Variants in ATG16L1 observed in about 807,000 individuals in gnomAD.
ATG16L1 encodes the protein autophagy related 16 like 1, also known as autophagy-related protein 16-1.
ATG16L1 carries 37 observed loss-of-function variants against 88.5 expected under a neutral mutation model. That is an observed-to-expected ratio of 0.42 (90% CI 0.32 to 0.55). The LOEUF is 0.55. Among genes scored for constraint, ATG16L1 ranks in the 20% least tolerant of loss-of-function variants. ATG16L1 has a pLI of 0.13. For synonymous variants in ATG16L1, 301 were observed against 281.0 expected (o/e 1.07, Z -0.71); for missense variants, 554 against 752.8 (o/e 0.74, Z 3.09).
intron 2 of ATG16L1, among the ~76,000 whole-genome samples, chr2:233,262,681 G>A (rs1040707247): frequency 6.6e-6 from 1 of 152,104 alleles, no homozygotes; most frequent in Non-Finnish European, 1.5e-5. Context: ...CGTTAAAATA[G>A]GACCCCCTCC....
At chr2:233,276,420 T>C (rs572774919) in intron 9 of ATG16L1, among the ~76,000 whole-genome samples, 1 of 152,318 alleles carries the variant, frequency 6.6e-6, no homozygotes, top group Non-Finnish European at 1.5e-5. Context: ...TCCAAAAATA[T>C]TTTACTGCCC....
At chr2:233,277,814 T>TA (rs1254989331) in intron 10 of ATG16L1, 141 bp downstream of exon 10, 2 of 691,950 alleles carry the variant, frequency 2.9e-6, no homozygotes, top group African/African-American at 3.6e-5. Context: ...ACATACATTT[T>TA]ATGTAAGGGA....
intron 6 of ATG16L1, among the ~76,000 whole-genome samples, chr2:233,270,816 A>G (rs1468441584): frequency 1.3e-5 from 2 of 152,202 alleles, no homozygotes; most frequent in Non-Finnish European, 2.9e-5. Flanking sequence ...AGTGGTAGAA[A>G]AGAGTTTCCT....
At chr2:233,265,197 G>T in intron 5 of ATG16L1, 54 bp downstream of exon 5, 1 of 1,579,734 alleles carries the variant, frequency 6.3e-7, no homozygotes, top group Non-Finnish European at 8.6e-7. Context: ...GTAGAACCTA[G>T]GTCTTTGAAA....
chr2:233,256,120 A>G lies in ATG16L1; in HGVS notation c.134A>G (p.Lys45Arg). 6 of 1,614,022 alleles carry G rather than the reference A, an allele frequency of 3.7e-6. No homozygotes were observed. Among genetic ancestry groups the G allele is most frequent in the Admixed American group, 1.7e-5 (1 of 60,026 alleles). The change falls in exon 2 of 18, where the codon AAG becomes AGG. Residue 45 changes from lysine (K) to arginine (R), a missense_variant. Coordinates refer to ENST00000392017, the MANE Select transcript of ATG16L1 (RefSeq NM_030803.7). ...TTAATAGATAACAAATTGCTGGAAA[A>G]GTCAGATCTTCATTCAGTGTTGGCC... Reference protein sequence around the residue: ...IILQYNKLLEKSDLHSVLAQK... With the variant: ...IILQYNKLLERSDLHSVLAQK...
intron 5 of ATG16L1, among the ~76,000 whole-genome samples, chr2:233,269,316 A>G (rs1219062948): frequency 2.0e-5 from 3 of 152,218 alleles, no homozygotes; most frequent in Admixed American, 6.5e-5. Context: ...AATGTCAGGT[A>G]AGGGGAAGTC....
At position 233,277,556 on chromosome 2, in the gene ATG16L1, C is replaced by T; in HGVS notation, c.955-12C>T. 6.2e-7 allele frequency: 1 copy of T among 1,612,850 alleles called. No individual in the cohort carries two copies. Among genetic ancestry groups the T allele is most frequent in the African/African-American group, 1.3e-5 (1 of 75,010 alleles). On this transcript the variant is annotated splice_polypyrimidine_tract_variant and intron_variant, in intron 9 of 17. Transcript: ENST00000392017. Reference sequence around the variant, plus strand: ...GAATGACTGGGTTTGACACAGGGTGCTTGTCTTGCAGGATGCACATGATGG... The same window carrying T: ...GAATGACTGGGTTTGACACAGGGTGTTTGTCTTGCAGGATGCACATGATGG...
At chr2:233,252,722 C>T (rs905638437) in intron 1 of ATG16L1, among the ~76,000 whole-genome samples, 9 of 151,840 alleles carry the variant, frequency 5.9e-5, no homozygotes, top group Non-Finnish European at 1.2e-4. Context: ...ATCTTTTAGG[C>T]GGGACAGAAC....
chr2:233,289,408 T>TGTGTGTGTGTGTGTGTGTGAGAGAGAGA (rs144316394), intron 12 of ATG16L1, among the ~76,000 whole-genome samples: 109 of 149,648 alleles, frequency 7.3e-4, no homozygotes, highest in Non-Finnish European at 1.0e-3. Context: ...TGTGTGTGTG[T>TGTGTGTGTGTGTGTGTGTGAGAGAGAGA]GACAGGATCT....
At position 233,265,675 on chromosome 2, in the gene ATG16L1, G is replaced by A. The variant is rs147550624; in HGVS notation, c.641+532G>A. On this transcript the variant is annotated intron_variant, in intron 5 of 17. Transcript: ENST00000392017. ...AGTAGAGGTGGAGTTTCACCATGTTGGCCAGGCTGATCTCAAACTCCTGAC... is the reference window on the plus strand; with the variant it reads ...AGTAGAGGTGGAGTTTCACCATGTTAGCCAGGCTGATCTCAAACTCCTGAC... Among the ~76,000 whole-genome samples, 12 of 152,136 alleles carry A rather than the reference G, an allele frequency of 7.9e-5. No individual in the cohort carries two copies. The East Asian group carries it at 2.3e-3, about 29-fold the overall frequency.
chr2:233,290,392 T>C, intron 14 of ATG16L1, 39 bp downstream of exon 14: 4 of 1,465,048 alleles, frequency 2.7e-6, no homozygotes, highest in African/African-American at 1.4e-5. Context: ...CACATAAGAG[T>C]CTCCACAGTA....
At chr2:233,268,957 C>T (rs1327895732) in intron 5 of ATG16L1, among the ~76,000 whole-genome samples, 2 of 152,134 alleles carry the variant, frequency 1.3e-5, no homozygotes, top group African/African-American at 4.8e-5. Context: ...ATTAGGGGTC[C>T]TCCACCTAGC....
intron 5 of ATG16L1, among the ~76,000 whole-genome samples, chr2:233,268,925 A>G (rs919689388): frequency 6.6e-6 from 1 of 152,228 alleles, no homozygotes; most frequent in Non-Finnish European, 1.5e-5. Context: ...ATTGCAGCTC[A>G]GTAGCATTGC....
intron 1 of ATG16L1, 99 bp downstream of exon 1, chr2:233,252,041 C>G (rs1303818890): frequency 3.7e-6 from 4 of 1,068,204 alleles, no homozygotes; most frequent in Admixed American, 4.0e-5. Context: ...TGGCGCCGCC[C>G]GCACGCATGG....
chr2:233,269,566 A>G (rs1203983330), intron 5 of ATG16L1, among the ~76,000 whole-genome samples: 1 of 152,234 alleles, frequency 6.6e-6, no homozygotes, highest in Admixed American at 6.5e-5. Flanking sequence ...GCAAAACTTC[A>G]AAATCTGAGA....
chr2:233,277,815 A>G (rs1698475817), intron 10 of ATG16L1, 142 bp downstream of exon 10: 1 of 686,412 alleles, frequency 1.5e-6, no homozygotes. Context: ...CATACATTTT[A>G]TGTAAGGGAT....
intron 4 of ATG16L1, 103 bp downstream of exon 4, chr2:233,264,168 T>A: frequency 8.9e-7 from 1 of 1,125,756 alleles, no homozygotes; most frequent in South Asian, 1.3e-5. Flanking sequence ...GTGGCCACAG[T>A]GCACTTAGCG....
At chr2:233,293,544 T>C (rs11890330) in intron 17 of ATG16L1, among the ~76,000 whole-genome samples, 187 bp downstream of exon 17, 8,783 of 152,170 alleles carry the variant, frequency 0.058, 308 homozygotes, top group South Asian at 0.14. Flanking sequence ...GGCCACAGTC[T>C]ACAGAGTACG....
intron 14 of ATG16L1, among the ~76,000 whole-genome samples, 198 bp downstream of exon 14, chr2:233,290,551 G>A (rs911302114): frequency 6.6e-6 from 1 of 152,170 alleles, no homozygotes; most frequent in Admixed American, 6.5e-5. Flanking sequence ...TGAGCATGCA[G>A]TGAGTGCTAG....
Sources: gnomAD v4.1 joint callset for allele counts (sites outside exome capture counted in the v4.1 genomes callset) on GRCh38, gnomAD v4.1.1 for gene constraint, MANE v1.5 for transcripts, NCBI Gene and HGNC (gene_info 2026-07-23, HGNC 2026-07-21) for gene names.